Variants in GRIA4 observed in about 807,000 individuals in gnomAD.
The protein encoded by GRIA4 is glutamate receptor 4.
GRIA4 carries 34 observed loss-of-function variants against 104.0 expected under a neutral mutation model. That is an observed-to-expected ratio of 0.33 (90% CI 0.25 to 0.44). The LOEUF is 0.44. GRIA4 is among the 20% of genes least tolerant of loss of function. GRIA4 has a pLI of 1.00. For missense variants in GRIA4, 750 were observed against 1,096.5 expected (o/e 0.68, Z 4.46); for synonymous variants, 386 against 381.9 (o/e 1.01, Z -0.13).
Position 105,610,975 on chromosome 11 carries a change from C to A in GRIA4, c.-23C>A, listed in dbSNP as rs763372089. Reference sequence around the variant, plus strand: ...GTGCGAGAGAAAGAGAGAGAGCGCGCGCCAGGGAGAGGAGAAAAGAAGATG... The same window carrying A: ...GTGCGAGAGAAAGAGAGAGAGCGCGAGCCAGGGAGAGGAGAAAAGAAGATG... On this transcript the variant is annotated 5_prime_UTR_variant, in exon 2 of 17. Coordinates refer to ENST00000282499, the MANE Select transcript of GRIA4 (RefSeq NM_000829.4). 21 of 1,515,210 alleles carry A rather than the reference C, an allele frequency of 1.4e-5. No homozygotes were observed. Among genetic ancestry groups the A allele is most frequent in the Non-Finnish European group, 1.9e-5 (21 of 1,091,596 alleles). 93.9% of individuals were successfully genotyped at this position (1,515,210 alleles called of 1,614,324 possible). A position where few individuals can be genotyped will look rare whatever the true frequency, so the allele number is the denominator to read the frequency against.
chr11:105,764,807 G>T (rs1359543490), intron 4 of GRIA4, among the ~76,000 whole-genome samples: 4 of 151,362 alleles, frequency 2.6e-5, no homozygotes, highest in African/African-American at 9.7e-5. Flanking sequence ...AAAAAAAAAA[G>T]CTTTAGAGAG....
intron 7 of GRIA4, among the ~76,000 whole-genome samples, chr11:105,901,350 T>C (rs577744130): frequency 5.3e-5 from 8 of 152,344 alleles, no homozygotes; most frequent in African/African-American, 1.9e-4. Flanking sequence ...TCCATACTTT[T>C]TCTACCGCAC....
In GRIA4 at chr11:105,639,081, G is replaced by T. The variant is rs568132070; in HGVS notation, c.247+26647G>T. On this transcript the variant is annotated intron_variant, in intron 3 of 16. Coordinates refer to ENST00000282499, the MANE Select transcript of GRIA4 (RefSeq NM_000829.4). The stretch of plus-strand genomic sequence containing the variant: ...AGCAAATAAACATAAAGCCAAAAAT[G>T]CATCTTATTTCCCTTTTACTTGGAA... 2.0e-5 allele frequency among the ~76,000 whole-genome samples: 3 copies of T among 152,134 alleles called. No individual in the cohort carries two copies. In the East Asian group the frequency reaches 5.8e-4, roughly 29 times the overall value.
intron 3 of GRIA4, among the ~76,000 whole-genome samples, chr11:105,743,779 C>G (rs1210294833): frequency 6.6e-6 from 1 of 152,182 alleles, no homozygotes; most frequent in South Asian, 2.1e-4. Flanking sequence ...GGTGATACCA[C>G]CGCTATCCAT....
At chr11:105,712,868 T>A (rs1052449557) in intron 3 of GRIA4, among the ~76,000 whole-genome samples, 1 of 151,634 alleles carries the variant, frequency 6.6e-6, no homozygotes, top group African/African-American at 2.4e-5. Flanking sequence ...AGAAAAAAAA[T>A]ATAAAGAGCT....
chr11:105,773,105 T>C (rs1039796910), intron 4 of GRIA4, among the ~76,000 whole-genome samples: 5 of 152,168 alleles, frequency 3.3e-5, no homozygotes, highest in African/African-American at 1.2e-4. Flanking sequence ...CTCCTCCACC[T>C]TCCCCTACTC....
intron 3 of GRIA4, among the ~76,000 whole-genome samples, chr11:105,688,156 C>CTCTATCTCTATCTATCTA (rs1555101401): frequency 1.2e-4 from 9 of 72,744 alleles, no homozygotes; most frequent in South Asian, 5.1e-4. Flanking sequence ...ATATCTATAT[C>CTCTATCTCTATCTATCTA]TCTATCTATC....
chr11:105,915,329 T>C (rs1005868983), intron 10 of GRIA4, among the ~76,000 whole-genome samples: 2 of 152,190 alleles, frequency 1.3e-5, no homozygotes, highest in Admixed American at 6.6e-5. Context: ...AAGCCTTTTC[T>C]AGTCTTTGTT....
chr11:105,753,673 C>A lies in GRIA4; in HGVS notation c.487+453C>A, dbSNP rs187224883. On this transcript the variant is annotated intron_variant, in intron 4 of 16. Coordinates refer to ENST00000282499, the MANE Select transcript of GRIA4 (RefSeq NM_000829.4). Reference sequence around the variant, plus strand: ...GATCCTACAGATTGAAGGCTCAGTCCCCCACAAGACTGAACATCACTTTGG... The same window carrying A: ...GATCCTACAGATTGAAGGCTCAGTCACCCACAAGACTGAACATCACTTTGG... Among the ~76,000 whole-genome samples the A allele has an allele frequency of 8.5e-5, 13 of 152,170 alleles. No homozygotes were observed. The East Asian group carries it at 1.9e-3, about 23-fold the overall frequency.
intron 4 of GRIA4, among the ~76,000 whole-genome samples, chr11:105,823,732 C>T (rs955040496): frequency 1.1e-4 from 17 of 152,078 alleles, no homozygotes; most frequent in African/African-American, 3.9e-4. Context: ...ACATGGTTTA[C>T]ATCTAAAGGA....
chr11:105,827,599 AG>A (rs1384538215), intron 4 of GRIA4, among the ~76,000 whole-genome samples: 4 of 152,014 alleles, frequency 2.6e-5, no homozygotes, highest in Non-Finnish European at 5.9e-5. Context: ...CATTCATAAA[AG>A]GAAAAGATAA....
At chr11:105,695,823 A>T (rs1053974926) in intron 3 of GRIA4, among the ~76,000 whole-genome samples, 1 of 152,282 alleles carries the variant, frequency 6.6e-6, no homozygotes, top group African/African-American at 2.4e-5. Flanking sequence ...GCCAAACTCT[A>T]GAGGCTTGAG....
chr11:105,905,352 TG>T, intron 9 of GRIA4, 51 bp downstream of exon 9: 1 of 1,012,338 alleles, frequency 9.9e-7, no homozygotes, highest in South Asian at 1.3e-5. Flanking sequence ...TTAGTTTGTA[TG>T]TAACATTTTA....
rs1434358353 is a variant in GRIA4, at chr11:105,887,416, C to T, written c.673-103C>T. 1.1e-5 allele frequency: 6 copies of T among 549,426 alleles called. No homozygotes were observed. In the Admixed American group the frequency reaches 1.7e-4, roughly 16 times the overall value. The allele number at this position is 549,426 out of a possible 1,614,324, so 34.0% of individuals were successfully genotyped here. A position where few individuals can be genotyped will look rare whatever the true frequency, so the allele number is the denominator to read the frequency against. Reference sequence around the variant, plus strand: ...ATTTTTTAAAAAACTATCATTTTCCCATCATGATTCTACATGGAATTATGC... The same window carrying T: ...ATTTTTTAAAAAACTATCATTTTCCTATCATGATTCTACATGGAATTATGC... On this transcript the variant is annotated intron_variant, in intron 5 of 16. Coordinates refer to ENST00000282499, the MANE Select transcript of GRIA4 (RefSeq NM_000829.4).
intron 10 of GRIA4, chr11:105,913,048 T>G: frequency 1.1e-6 from 1 of 896,128 alleles, no homozygotes; most frequent in Non-Finnish European, 1.3e-6. Context: ...TATGTTCTTA[T>G]TTATATGTTG....
intron 16 of GRIA4, among the ~76,000 whole-genome samples, chr11:105,976,350 T>C (rs1293150901): frequency 6.6e-6 from 1 of 152,014 alleles, no homozygotes; most frequent in Non-Finnish European, 1.5e-5. Flanking sequence ...AGGGAAGTTA[T>C]TAAAAGGAGA....
intron 3 of GRIA4, among the ~76,000 whole-genome samples, chr11:105,632,796 G>T (rs1476116174): frequency 6.6e-6 from 1 of 152,090 alleles, no homozygotes; most frequent in East Asian, 1.9e-4. Flanking sequence ...TAAAAAGAAA[G>T]AAAAAATTTT....
In GRIA4 at chr11:105,632,955, G is replaced by A. The variant is rs550771960; in HGVS notation, c.247+20521G>A. On this transcript the variant is annotated intron_variant, in intron 3 of 16. Coordinates refer to ENST00000282499, the MANE Select transcript of GRIA4 (RefSeq NM_000829.4). ...ATTTCAATGGCTGATGGAGGTGAGA[G>A]AAAAGGGGTCTTGAGAATTGTAACT... 2.0e-5 allele frequency among the ~76,000 whole-genome samples: 3 copies of A among 152,278 alleles called. No homozygotes were observed. In the East Asian group the frequency reaches 5.8e-4, roughly 29 times the overall value.
intron 10 of GRIA4, among the ~76,000 whole-genome samples, chr11:105,914,284 T>C (rs567832709): frequency 3.9e-5 from 6 of 152,038 alleles, no homozygotes; most frequent in African/African-American, 1.2e-4. Context: ...ATTTTATCCA[T>C]GGGATAAATT....
Sources: allele counts gnomAD v4.1 joint callset (sites outside exome capture counted in the v4.1 genomes callset), GRCh38; gene constraint gnomAD v4.1.1; transcripts MANE v1.5; gene names NCBI Gene and HGNC (gene_info 2026-07-23, HGNC 2026-07-21).